ATP6V0A4: variants seen among roughly 807,000 people sequenced by gnomAD.
ATP6V0A4 encodes the protein V-type proton ATPase 116 kDa subunit a 4.
ATP6V0A4 carries 86 observed loss-of-function variants against 107.3 expected under a neutral mutation model. The ratio of observed to expected loss-of-function variants is 0.80; its 90% CI spans 0.67 to 0.96. The LOEUF is 0.96. ATP6V0A4 is among the 40% of genes least tolerant of loss of function. The pLI, the probability that ATP6V0A4 is intolerant of heterozygous loss-of-function variation, is 0.00. For missense variants in ATP6V0A4, 908 were observed against 1,045.6 expected (o/e 0.87, Z 1.81); for synonymous variants, 353 against 381.4 (o/e 0.93, Z 0.87).
intron 1 of ATP6V0A4, among the ~76,000 whole-genome samples, chr7:138,789,968 CAA>C (rs34413519): frequency 6.0e-4 from 76 of 126,808 alleles, no homozygotes; most frequent in African/African-American, 1.8e-3. Flanking sequence ...GACTCTGTCT[CAA>C]AAAAAAAAAA....
intron 20 of ATP6V0A4, among the ~76,000 whole-genome samples, chr7:138,715,443 G>A (rs569414148): frequency 2.4e-4 from 37 of 152,166 alleles, no homozygotes; most frequent in African/African-American, 5.8e-4. Flanking sequence ...CAAACAATTC[G>A]CCCAAACTCT....
At chr7:138,717,205 C>A (rs1296941499) in intron 19 of ATP6V0A4, among the ~76,000 whole-genome samples, 2 of 152,116 alleles carry the variant, frequency 1.3e-5, no homozygotes, top group Non-Finnish European at 2.9e-5. Flanking sequence ...AAAGTCCCGG[C>A]TGGAAACGGA....
At chr7:138,784,936 C>A (rs532633766) in intron 2 of ATP6V0A4, among the ~76,000 whole-genome samples, 1 of 152,256 alleles carries the variant, frequency 6.6e-6, no homozygotes, top group African/African-American at 2.4e-5. Context: ...CACTTACGTG[C>A]CTTTAAAACG....
At chr7:138,709,843 T>G in intron 20 of ATP6V0A4, 48 bp from the exon 21 acceptor site, 1 of 1,597,858 alleles carries the variant, frequency 6.3e-7, no homozygotes, top group Non-Finnish European at 8.6e-7. Context: ...ATGCAGATTG[T>G]TATTTATTGT....
chr7:138,765,564 G>T (rs537300199), intron 5 of ATP6V0A4, among the ~76,000 whole-genome samples: 1 of 152,066 alleles, frequency 6.6e-6, no homozygotes, highest in Non-Finnish European at 1.5e-5. Flanking sequence ...TTAGAAACTC[G>T]ACAAGGCAGG....
chr7:138,789,350 C>G (rs931797952), intron 1 of ATP6V0A4, among the ~76,000 whole-genome samples: 1 of 151,908 alleles, frequency 6.6e-6, no homozygotes, highest in African/African-American at 2.4e-5. Flanking sequence ...TGGGTTCAAG[C>G]AATTCTTCTG....
Position 138,706,338 on chromosome 7 carries a change from AT to A in ATP6V0A4, c.*285del, listed in dbSNP as rs1803363412. 15 of 416,754 alleles carry A rather than the reference AT, an allele frequency of 3.6e-5. No homozygotes were observed. In the South Asian group the frequency reaches 3.7e-4, roughly 10 times the overall value. 25.8% of individuals were successfully genotyped at this position (416,754 alleles called of 1,614,324 possible). On this transcript the variant is annotated 3_prime_UTR_variant, in exon 22 of 22. Transcript: ENST00000310018. ...TTTTCTCAAATACAATATTTAAAAT[AT>A]TGCAAGAAGACATCTGTTTAGCATT...
At position 138,732,893 on chromosome 7, in the gene ATP6V0A4, G is replaced by C. The variant is rs370658535; in HGVS notation, c.1892C>G (p.Pro631Arg). The change falls in exon 17 of 22, where the codon CCC (proline) becomes CGC (arginine). Residue 631 changes from proline (P) to arginine (R), a missense_variant. Coordinates refer to ENST00000310018, the MANE Select transcript of ATP6V0A4 (RefSeq NM_020632.3). The stretch of plus-strand genomic sequence containing the variant: ...CAGAAATACCTGATGTTTGTAGAGG[G>C]GTGCGTTGGAAGAGTCACTGTAGTT... ...LFNYSDSSNA[P>R]LYKHQQEVQS... 1 of 1,612,458 alleles carries C rather than the reference G, an allele frequency of 6.2e-7. No individual in the cohort carries two copies. Among genetic ancestry groups the C allele is most frequent in the Non-Finnish European group, 8.5e-7 (1 of 1,178,982 alleles).
chr7:138,715,634 A>G lies in ATP6V0A4; in HGVS notation c.2257+130T>C, dbSNP rs80249448. 2,957 of 1,341,678 alleles carry G rather than the reference A, an allele frequency of 2.2e-3. 67 individuals carry two copies. In the African/African-American group the frequency reaches 0.039, roughly 18 times the overall value. The allele number at this position is 1,341,678 out of a possible 1,614,324, so 83.1% of individuals were successfully genotyped here. On this transcript the variant is annotated intron_variant, in intron 20 of 21. Coordinates refer to ENST00000310018, the MANE Select transcript of ATP6V0A4 (RefSeq NM_020632.3). Reference sequence around the variant, plus strand: ...CAGAAAAGGCACCTGTGCCTGGGAAAGAAGAGTCATTCTTTTGGCAAACAT... The same window carrying G: ...CAGAAAAGGCACCTGTGCCTGGGAAGGAAGAGTCATTCTTTTGGCAAACAT...
In ATP6V0A4 at chr7:138,749,323, A is replaced by G. The variant is rs746882551; in HGVS notation, c.1030-6T>C. 1.5e-4 allele frequency: 97 copies of G among 634,922 alleles called. No individual in the cohort carries two copies. Among genetic ancestry groups the G allele is most frequent in the Non-Finnish European group, 1.8e-4 (83 of 453,528 alleles). 39.3% of individuals were successfully genotyped at this position (634,922 alleles called of 1,614,324 possible). On this transcript the variant is annotated splice_polypyrimidine_tract_variant and splice_region_variant and intron_variant, in intron 11 of 21. Coordinates refer to ENST00000310018, the MANE Select transcript of ATP6V0A4 (RefSeq NM_020632.3). ...ATGGAGGAGCCACTTAGTTCCTGGA[A>G]AAAAAAAAAAAAGCGACAAAGATGT...
intron 15 of ATP6V0A4, among the ~76,000 whole-genome samples, chr7:138,737,579 CTTTTTTT>C (rs373540257): frequency 1.5e-5 from 2 of 134,644 alleles, no homozygotes; most frequent in Non-Finnish European, 1.6e-5. Context: ...TTTTCTTTTT[CTTTTTTT>C]TTTTTTTTTT....
At chr7:138,788,520 G>T (rs1393096890) in intron 1 of ATP6V0A4, among the ~76,000 whole-genome samples, 1 of 152,164 alleles carries the variant, frequency 6.6e-6, no homozygotes, top group Non-Finnish European at 1.5e-5. Flanking sequence ...ATCCCTTGAG[G>T]CATTTAAGCA....
intron 13 of ATP6V0A4, among the ~76,000 whole-genome samples, chr7:138,747,196 T>C (rs1382678069): frequency 6.6e-6 from 1 of 151,904 alleles, no homozygotes; most frequent in African/African-American, 2.4e-5. Flanking sequence ...AAAAGAAAAA[T>C]CGATGCCTTA....
intron 1 of ATP6V0A4, among the ~76,000 whole-genome samples, chr7:138,786,511 C>T (rs958719931): frequency 2.6e-5 from 4 of 151,294 alleles, no homozygotes; most frequent in Admixed American, 6.6e-5. Context: ...CCAGGGAGGT[C>T]GACGCTGCAG....
intron 19 of ATP6V0A4, among the ~76,000 whole-genome samples, chr7:138,716,633 A>G (rs1804055571): frequency 6.6e-6 from 1 of 151,822 alleles, no homozygotes; most frequent in Non-Finnish European, 1.5e-5. Flanking sequence ...GCACAATCAT[A>G]GCTCACTGCA....
At chr7:138,744,199 A>C (rs551762203) in intron 14 of ATP6V0A4, among the ~76,000 whole-genome samples, 25 of 150,322 alleles carry the variant, frequency 1.7e-4, no homozygotes, top group Non-Finnish European at 3.4e-4. Flanking sequence ...GGACAAATAC[A>C]GGGAGACAGC....
At chr7:138,749,054 C>T (rs976396078) in intron 12 of ATP6V0A4, 113 bp downstream of exon 12, 7 of 1,382,806 alleles carry the variant, frequency 5.1e-6, no homozygotes, top group East Asian at 2.3e-5. Flanking sequence ...AGCTACTACC[C>T]TAGCCCCAAG....
chr7:138,759,950 G>A (rs1182795803), intron 7 of ATP6V0A4, 72 bp from the exon 8 acceptor site: 20 of 1,609,460 alleles, frequency 1.2e-5, no homozygotes, highest in South Asian at 1.1e-4. Flanking sequence ...CCTGTAGGAC[G>A]TGAAGACACA....
chr7:138,778,954 G>A (rs911390141), intron 2 of ATP6V0A4, among the ~76,000 whole-genome samples: 2 of 152,166 alleles, frequency 1.3e-5, no homozygotes, highest in East Asian at 3.9e-4. Context: ...TCCAGCCCCG[G>A]TGGTAGCAGC....
Sources: gnomAD v4.1 joint callset for allele counts (sites outside exome capture counted in the v4.1 genomes callset) on GRCh38, gnomAD v4.1.1 for gene constraint, MANE v1.5 for transcripts, NCBI Gene and HGNC (gene_info 2026-07-23, HGNC 2026-07-21) for gene names.